Variants in AFF3 observed in about 807,000 individuals in gnomAD.
The protein encoded by AFF3 is AF4/FMR2 family member 3.
AFF3 carries 32 observed loss-of-function variants against 129.7 expected under a neutral mutation model. The observed-to-expected ratio is 0.25, with a 90% confidence interval of 0.19 to 0.33. The LOEUF (loss-of-function observed/expected upper bound fraction) is 0.33. Among genes scored for constraint, AFF3 ranks in the 10% least tolerant of loss-of-function variants. AFF3 has a pLI of 1.00. For missense variants in AFF3, 1,373 were observed against 1,592.0 expected, an observed-to-expected ratio of 0.86 and a Z score of 2.34; for synonymous variants, 644 against 635.4, an observed-to-expected ratio of 1.01 and a Z score of -0.20.
chr2:100,007,362 A>G lies in AFF3; in HGVS notation c.273T>C (p.His91=), dbSNP rs556030826. 6.2e-7 allele frequency: 1 copy of G among 1,614,038 alleles called. No homozygotes were observed. The highest frequency in any genetic ancestry group is 1.3e-5 in the African/African-American group (1 of 74,934). ...CCCCAGGTTTGGGAACTCCAACGAG[A>G]TGACTCTGATTGGATCTATCAGTTA... ...DFLTDRSNQS[H]LVGVPKPGVP... Residue 91 remains histidine, a synonymous_variant, in exon 6 of 25, where the codon CAT becomes CAC. Coordinates refer to ENST00000672756, the MANE Select transcript of AFF3 (RefSeq NM_001386135.1).
chr2:100,054,557 C>T (rs532713861), intron 4 of AFF3, among the ~76,000 whole-genome samples: 1 of 152,272 alleles, frequency 6.6e-6, no homozygotes, highest in Admixed American at 6.5e-5. Flanking sequence ...TTAAGTCTGC[C>T]AGCCTTTGAA....
intron 22 of AFF3, among the ~76,000 whole-genome samples, chr2:99,556,690 G>A (rs904066407): frequency 1.2e-4 from 19 of 152,160 alleles, no homozygotes; most frequent in Non-Finnish European, 2.1e-4. Context: ...GGGAGGCCAA[G>A]GCAGTAGGCT....
intron 8 of AFF3, among the ~76,000 whole-genome samples, chr2:99,833,399 G>A (rs1164714802): frequency 6.6e-6 from 1 of 152,144 alleles, no homozygotes; most frequent in Non-Finnish European, 1.5e-5. Context: ...GCAACTCTAT[G>A]TAAATATTCC....
At chr2:99,829,465 G>T (rs1220491948) in intron 8 of AFF3, among the ~76,000 whole-genome samples, 1 of 152,130 alleles carries the variant, frequency 6.6e-6, no homozygotes, top group Non-Finnish European at 1.5e-5. Flanking sequence ...ATCAAAAAGT[G>T]GGCGAAGGAT....
intron 4 of AFF3, among the ~76,000 whole-genome samples, chr2:100,094,208 A>T (rs536849913): frequency 5.3e-5 from 8 of 152,320 alleles, no homozygotes; most frequent in African/African-American, 1.7e-4. Flanking sequence ...AGGATGGTTC[A>T]AGTGCATTAC....
At chr2:99,811,765 G>A (rs548726126) in intron 8 of AFF3, among the ~76,000 whole-genome samples, 1 of 152,244 alleles carries the variant, frequency 6.6e-6, no homozygotes. Flanking sequence ...CCATTTGGAC[G>A]CAGAACAACG....
chr2:100,008,310 C>G (rs991132576), intron 5 of AFF3, among the ~76,000 whole-genome samples: 1 of 152,134 alleles, frequency 6.6e-6, no homozygotes, highest in Non-Finnish European at 1.5e-5. Flanking sequence ...TTTGTGAAAT[C>G]TGGGATGACA....
intron 2 of AFF3, chr2:100,112,639 G>A (rs1482699975): frequency 6.6e-6 from 1 of 152,394 alleles, no homozygotes; most frequent in Non-Finnish European, 1.5e-5. Flanking sequence ...GCAGTGAGCT[G>A]TGATCACACT....
intron 7 of AFF3, among the ~76,000 whole-genome samples, chr2:99,987,729 G>A (rs1321109678): frequency 6.6e-6 from 1 of 152,128 alleles, no homozygotes. Context: ...GTTCACCTGT[G>A]AGCCTACTCT....
intron 11 of AFF3, among the ~76,000 whole-genome samples, chr2:99,717,988 C>T (rs1445682568): frequency 6.6e-6 from 1 of 152,180 alleles, no homozygotes; most frequent in African/African-American, 2.4e-5. Flanking sequence ...TGACCATATC[C>T]ATATGGATCC....
chr2:99,775,052 C>T (rs375661228), intron 8 of AFF3, among the ~76,000 whole-genome samples: 91 of 152,240 alleles, frequency 6.0e-4, no homozygotes, highest in African/African-American at 2.1e-3. Flanking sequence ...TATCATCTCA[C>T]GTCAGTCAGA....
chr2:99,567,768 C>T (rs1389584943), intron 19 of AFF3, among the ~76,000 whole-genome samples: 2 of 152,104 alleles, frequency 1.3e-5, no homozygotes, highest in Admixed American at 6.5e-5. Context: ...CTTGGGAAAT[C>T]GTCAACAGGA....
In AFF3 at chr2:99,560,367, T is replaced by C. The variant is rs374504985; in HGVS notation, c.3189A>G (p.Leu1063=). 37 of 1,614,020 alleles carry C rather than the reference T, an allele frequency of 2.3e-5. No homozygotes were observed. Among genetic ancestry groups the C allele is most frequent in the Non-Finnish European group, 3.0e-5 (35 of 1,179,966 alleles). ...TCTAAGCGGAGATGGGCACTCACCA[T>C]AATGCAGCCAGTTGTTTGTCTTCTG... is the stretch of plus-strand genomic sequence containing the variant. ...ATPEDKQLAA[L]CYRCLALLYW... The change falls in exon 21 of 25, where the codon TTA becomes TTG. Residue 1063 remains leucine, a splice_region_variant and synonymous_variant. Coordinates refer to ENST00000672756, the MANE Select transcript of AFF3 (RefSeq NM_001386135.1).
intron 7 of AFF3, among the ~76,000 whole-genome samples, chr2:99,940,456 G>C (rs1166086490): frequency 6.6e-6 from 1 of 152,168 alleles, no homozygotes; most frequent in African/African-American, 2.4e-5. Flanking sequence ...CGAAGACCTT[G>C]CTGCTAAAAC....
At chr2:99,840,502 T>A (rs979347123) in intron 7 of AFF3, among the ~76,000 whole-genome samples, 1 of 152,208 alleles carries the variant, frequency 6.6e-6, no homozygotes, top group Non-Finnish European at 1.5e-5. Context: ...GAAGACAACA[T>A]GCACTACTTG....
intron 7 of AFF3, among the ~76,000 whole-genome samples, chr2:99,859,547 T>C (rs1231452209): frequency 1.3e-5 from 2 of 152,188 alleles, no homozygotes; most frequent in African/African-American, 2.4e-5. Flanking sequence ...CAATACCTAA[T>C]CCTAGAGGAT....
At chr2:99,627,726 T>A (rs946803450) in intron 13 of AFF3, among the ~76,000 whole-genome samples, 12 of 152,214 alleles carry the variant, frequency 7.9e-5, no homozygotes, top group African/African-American at 2.9e-4. Flanking sequence ...AAGTCTTTAA[T>A]CTATCTCGAG....
intron 12 of AFF3, among the ~76,000 whole-genome samples, chr2:99,652,537 G>C (rs1248454073): frequency 6.6e-6 from 1 of 152,094 alleles, no homozygotes; most frequent in Admixed American, 6.5e-5. Context: ...CCAGGGCCTG[G>C]CAAAGATAAG....
chr2:100,016,120 ATGGTGATGGTGG>A (rs1315589959), intron 4 of AFF3, among the ~76,000 whole-genome samples: 11 of 128,350 alleles, frequency 8.6e-5, no homozygotes, highest in African/African-American at 1.2e-4. Flanking sequence ...GGTGGTAGCA[ATGGTGATGGTGG>A]TGGTGATGGT....
Sources: gnomAD v4.1 joint callset for allele counts (sites outside exome capture counted in the v4.1 genomes callset) on GRCh38, gnomAD v4.1.1 for gene constraint, MANE v1.5 for transcripts, NCBI Gene and HGNC (gene_info 2026-07-23, HGNC 2026-07-21) for gene names.